The following CATSPERB variants were observed in gnomAD, a reference collection of about 807,000 sequenced individuals.
The protein encoded by CATSPERB is catsper channel auxiliary subunit beta.
CATSPERB carries 93 observed loss-of-function variants against 128.3 expected under a neutral mutation model. That is an observed-to-expected ratio of 0.72 (90% CI 0.61 to 0.86). CATSPERB has a LOEUF of 0.86. Ranked by LOEUF, CATSPERB falls within the 40% of genes least tolerant of loss-of-function variation. The pLI, the probability that CATSPERB is intolerant of heterozygous loss-of-function variation, is 0.00. For missense variants in CATSPERB, 1,153 were observed against 1,329.5 expected, an observed-to-expected ratio of 0.87 and a Z score of 2.06; for synonymous variants, 381 against 448.8, an observed-to-expected ratio of 0.85 and a Z score of 1.91.
At chr14:91,682,553 A>C (rs1044667224) in intron 11 of CATSPERB, among the ~76,000 whole-genome samples, 4 of 152,158 alleles carry the variant, frequency 2.6e-5, no homozygotes, top group African/African-American at 9.7e-5. Context: ...GGGGCTGCTT[A>C]TGGGCCTGTG....
intron 11 of CATSPERB, among the ~76,000 whole-genome samples, chr14:91,683,523 C>T (rs561402395): frequency 1.4e-4 from 21 of 152,158 alleles, no homozygotes; most frequent in African/African-American, 4.3e-4. Context: ...TCTAATTATG[C>T]GATTGCTTAG....
At chr14:91,603,156 T>A in intron 22 of CATSPERB, 1 of 786,324 alleles carries the variant, frequency 1.3e-6, no homozygotes, top group South Asian at 1.3e-5. Flanking sequence ...TATACCTTCA[T>A]GTATCTTTTA....
At chr14:91,600,231 C>T (rs1893587209) in intron 22 of CATSPERB, among the ~76,000 whole-genome samples, 1 of 152,184 alleles carries the variant, frequency 6.6e-6, no homozygotes, top group East Asian at 1.9e-4. Context: ...TTCCTGCCAG[C>T]AATGCATGAG....
In CATSPERB at chr14:91,688,320, T is replaced by C. The variant is rs529649423; in HGVS notation, c.864+3203A>G. 3.9e-5 allele frequency among the ~76,000 whole-genome samples: 6 copies of C among 152,308 alleles called. No homozygotes were observed. In the East Asian group the frequency reaches 1.2e-3, roughly 29 times the overall value. On this transcript the variant is annotated intron_variant, in intron 10 of 26. Transcript: ENST00000256343. ...TTGTATAAACAAAATCTAATACCAGTGAGGTGTATTTTGCTTTTGCTCTTT... is the reference window on the plus strand; with the variant it reads ...TTGTATAAACAAAATCTAATACCAGCGAGGTGTATTTTGCTTTTGCTCTTT...
chr14:91,647,132 C>T (rs1894619798), intron 15 of CATSPERB, among the ~76,000 whole-genome samples: 1 of 152,250 alleles, frequency 6.6e-6, no homozygotes, highest in Non-Finnish European at 1.5e-5. Context: ...CTGCAAATCT[C>T]ACAGGGGCCT....
chr14:91,667,277 C>G (rs577401072), intron 14 of CATSPERB, among the ~76,000 whole-genome samples: 1 of 152,172 alleles, frequency 6.6e-6, no homozygotes, highest in African/African-American at 2.4e-5. Flanking sequence ...AAGGAGGTGG[C>G]AGTCTTACAC....
intron 15 of CATSPERB, among the ~76,000 whole-genome samples, chr14:91,649,501 C>CT (rs11433742): frequency 0.053 from 7,703 of 145,416 alleles, 395 homozygotes; most frequent in African/African-American, 0.13. Context: ...ATTGTACACA[C>CT]TTTTTTTTTT....
At chr14:91,700,672 C>T (rs1294693276) in intron 7 of CATSPERB, among the ~76,000 whole-genome samples, 1 of 152,140 alleles carries the variant, frequency 6.6e-6, no homozygotes, top group Non-Finnish European at 1.5e-5. Flanking sequence ...CATGTCCTTT[C>T]CAGCAACATA....
chr14:91,603,249 T>A, intron 22 of CATSPERB: 1 of 1,004,716 alleles, frequency 1.0e-6, no homozygotes, highest in Non-Finnish European at 1.6e-6. Context: ...TCTCAACTCC[T>A]GTTTCAAAGC....
chr14:91,718,844 C>T (rs563238212), intron 5 of CATSPERB, among the ~76,000 whole-genome samples: 69 of 152,126 alleles, frequency 4.5e-4, no homozygotes, highest in Admixed American at 3.9e-3. Context: ...TTTTGTTTAA[C>T]GCACCTATCA....
intron 2 of CATSPERB, among the ~76,000 whole-genome samples, chr14:91,725,802 G>A (rs969787390): frequency 2.0e-5 from 3 of 152,148 alleles, no homozygotes; most frequent in Admixed American, 2.0e-4. Context: ...CTCAAGCCTG[G>A]AAACCCACAG....
rs147444867 is a variant in CATSPERB at position 91,621,837 on chromosome 14, T to C, written c.2031A>G (p.Ala677=). Residue 677 remains alanine, a synonymous_variant, in exon 19 of 27, where the codon GCA becomes GCG. Transcript: ENST00000256343. ...LITSILDNKN[A]LAIATMPESA... is the part of the protein sequence containing the mutation. ...TTTCAGGCATGGTAGCAATGGCTAA[T>C]GCATTCTTATTATCTAAAATGCTTG... 6.2e-7 allele frequency: 1 copy of C among 1,613,914 alleles called. No individual in the cohort carries two copies. The highest frequency in any genetic ancestry group is 1.3e-5 in the African/African-American group (1 of 74,946).
chr14:91,631,411 C>T (rs1351714527), intron 17 of CATSPERB, among the ~76,000 whole-genome samples: 1 of 152,162 alleles, frequency 6.6e-6, no homozygotes, highest in Non-Finnish European at 1.5e-5. Flanking sequence ...TGCCTGTAAT[C>T]CCAGCACTTT....
intron 7 of CATSPERB, among the ~76,000 whole-genome samples, chr14:91,702,344 T>G (rs549495765): frequency 6.7e-6 from 1 of 150,236 alleles, no homozygotes; most frequent in African/African-American, 2.4e-5. Flanking sequence ...AATTATTAGG[T>G]TGGTGCAAAA....
chr14:91,702,242 A>G (rs1214620363), intron 7 of CATSPERB, among the ~76,000 whole-genome samples: 1 of 151,854 alleles, frequency 6.6e-6, no homozygotes, highest in Non-Finnish European at 1.5e-5. Context: ...CCTGGCTAGG[A>G]CCTATTCACA....
chr14:91,702,502 A>G (rs1292491124), intron 7 of CATSPERB, among the ~76,000 whole-genome samples: 3 of 151,900 alleles, frequency 2.0e-5, no homozygotes, highest in East Asian at 3.9e-4. Flanking sequence ...GTCTATCCCT[A>G]TACTGATGCA....
chr14:91,685,002 C>T (rs1402254966), intron 10 of CATSPERB, among the ~76,000 whole-genome samples: 2 of 152,086 alleles, frequency 1.3e-5, no homozygotes, highest in Non-Finnish European at 2.9e-5. Context: ...TCGTAGCTCA[C>T]TCCAGCCTCA....
chr14:91,663,670 A>T (rs994595946), intron 14 of CATSPERB, among the ~76,000 whole-genome samples: 2 of 148,992 alleles, frequency 1.3e-5, no homozygotes, highest in South Asian at 2.1e-4. Flanking sequence ...AAAAAAAATT[A>T]ATTCAGATGT....
Position 91,602,767 on chromosome 14 carries a change from G to A in CATSPERB, c.2709+5527C>T, listed in dbSNP as rs180760322. ...TTTTGAAAAATTTCATGCCTACTAGGTTGCTTCATCCATGTTGTCATCACT... is the reference window on the plus strand; with the variant it reads ...TTTTGAAAAATTTCATGCCTACTAGATTGCTTCATCCATGTTGTCATCACT... On this transcript the variant is annotated intron_variant, in intron 22 of 26. Coordinates refer to ENST00000256343, the MANE Select transcript of CATSPERB (RefSeq NM_024764.4). 7.2e-5 allele frequency among the ~76,000 whole-genome samples: 11 copies of A among 152,240 alleles called. No individual in the cohort carries two copies. The East Asian group carries it at 2.1e-3, about 29-fold the overall frequency.
Sources: gnomAD v4.1 joint callset for allele counts (sites outside exome capture counted in the v4.1 genomes callset) on GRCh38, gnomAD v4.1.1 for gene constraint, MANE v1.5 for transcripts, NCBI Gene and HGNC (gene_info 2026-07-23, HGNC 2026-07-21) for gene names.